WWOX: variants seen among roughly 807,000 people sequenced by gnomAD.
WWOX encodes the protein WW domain-containing oxidoreductase.
Under a neutral mutation model 46.2 loss-of-function variants are expected in WWOX, and 69 were observed. The observed-to-expected ratio is 1.49, with a 90% confidence interval of 1.23 to 1.82. The LOEUF (loss-of-function observed/expected upper bound fraction) is 1.82. Ranked by LOEUF, WWOX falls within the 40% of genes most tolerant of loss-of-function variation. The pLI is 0.00. For synonymous variants in WWOX, 359 were observed against 202.6 expected (o/e 1.77, Z -6.56); for missense variants, 919 against 542.6 (o/e 1.69, Z -6.89).
At chr16:78,219,607 C>T (rs1176765625) in intron 5 of WWOX, among the ~76,000 whole-genome samples, 2 of 152,150 alleles carry the variant, frequency 1.3e-5, no homozygotes, top group Admixed American at 6.5e-5. Context: ...TTTTTTAACT[C>T]GGTGAGTCTC....
At chr16:78,137,427 G>C (rs921307376) in intron 4 of WWOX, among the ~76,000 whole-genome samples, 17 of 152,138 alleles carry the variant, frequency 1.1e-4, no homozygotes, top group Non-Finnish European at 2.9e-5. Context: ...ACAGAGTTGT[G>C]AGAATTCGAC....
At chr16:78,240,314 TA>T (rs141210179) in intron 5 of WWOX, among the ~76,000 whole-genome samples, 14,099 of 148,462 alleles carry the variant, frequency 0.095, 797 homozygotes, top group Middle Eastern at 0.18. Flanking sequence ...CCCCATCTCT[TA>T]AAAAAAAAAT....
intron 8 of WWOX, among the ~76,000 whole-genome samples, chr16:78,826,484 G>A (rs1302908260): frequency 6.6e-6 from 1 of 152,206 alleles, no homozygotes; most frequent in Non-Finnish European, 1.5e-5. Flanking sequence ...GGCTGCTCGT[G>A]ATTGTGGGCT....
chr16:78,639,841 C>G (rs2046660626), intron 8 of WWOX, among the ~76,000 whole-genome samples: 2 of 152,148 alleles, frequency 1.3e-5, no homozygotes, highest in Non-Finnish European at 2.9e-5. Context: ...GTTGGGATCA[C>G]AGGTGTGAGC....
At chr16:78,684,930 T>C (rs1225280216) in intron 8 of WWOX, among the ~76,000 whole-genome samples, 2 of 152,186 alleles carry the variant, frequency 1.3e-5, no homozygotes, top group Non-Finnish European at 2.9e-5. Flanking sequence ...AGTGAACACA[T>C]GTTGTTTTAC....
chr16:78,784,678 G>C (rs149577831), intron 8 of WWOX, among the ~76,000 whole-genome samples: 6 of 152,298 alleles, frequency 3.9e-5, no homozygotes, highest in South Asian at 2.1e-4. Context: ...AGTGTCAGTG[G>C]TTCCCAATGT....
intron 6 of WWOX, among the ~76,000 whole-genome samples, chr16:78,421,141 T>C (rs1341769244): frequency 6.6e-6 from 1 of 152,222 alleles, no homozygotes; most frequent in Non-Finnish European, 1.5e-5. Flanking sequence ...GGAAGCTATA[T>C]TAGTTTTCTA....
intron 8 of WWOX, among the ~76,000 whole-genome samples, chr16:78,762,070 T>G (rs894811590): frequency 1.3e-5 from 2 of 152,202 alleles, no homozygotes; most frequent in African/African-American, 4.8e-5. Context: ...TGTGCTGGCC[T>G]TTTCACTGAA....
intron 5 of WWOX, among the ~76,000 whole-genome samples, chr16:78,185,422 A>G (rs1416078510): frequency 6.6e-6 from 1 of 152,118 alleles, no homozygotes; most frequent in Non-Finnish European, 1.5e-5. Flanking sequence ...TTCCCCAAGA[A>G]TACACCACAG....
intron 5 of WWOX, among the ~76,000 whole-genome samples, chr16:78,206,916 C>G (rs16947272): frequency 0.064 from 9,697 of 152,272 alleles, 364 homozygotes; most frequent in Middle Eastern, 0.092. Context: ...AATGATACCT[C>G]TCCCTTACTG....
intron 8 of WWOX, among the ~76,000 whole-genome samples, chr16:78,486,979 G>T (rs1399439060): frequency 6.6e-6 from 1 of 152,156 alleles, no homozygotes; most frequent in Admixed American, 6.5e-5. Flanking sequence ...TTCCGCTGGG[G>T]TGTGATGAGC....
chr16:78,541,688 G>T (rs895060605), intron 8 of WWOX, among the ~76,000 whole-genome samples: 1 of 151,870 alleles, frequency 6.6e-6, no homozygotes, highest in African/African-American at 2.4e-5. Context: ...TTGAAAAAGT[G>T]ATTTAGCCTT....
chr16:78,873,977 T>C (rs1330445962), intron 8 of WWOX, among the ~76,000 whole-genome samples: 1 of 151,648 alleles, frequency 6.6e-6, no homozygotes, highest in Non-Finnish European at 1.5e-5. Flanking sequence ...AAAGAAAGGT[T>C]CTGGCTGAGC....
intron 8 of WWOX, among the ~76,000 whole-genome samples, chr16:78,787,425 G>A (rs2050484874): frequency 6.6e-6 from 1 of 152,060 alleles, no homozygotes; most frequent in African/African-American, 2.4e-5. Flanking sequence ...CACAATATGT[G>A]GCCTTTTGTG....
intron 5 of WWOX, among the ~76,000 whole-genome samples, chr16:78,296,774 C>T (rs1240912631): frequency 1.3e-5 from 2 of 152,062 alleles, no homozygotes; most frequent in Admixed American, 1.3e-4. Context: ...AATAAAGTAA[C>T]ATATGGCTTT....
intron 8 of WWOX, among the ~76,000 whole-genome samples, chr16:79,062,915 C>G (rs2048380135): frequency 6.6e-6 from 1 of 152,182 alleles, no homozygotes; most frequent in African/African-American, 2.4e-5. Context: ...AAATTTCTGG[C>G]TGTCCACCTG....
At chr16:78,852,346 T>A (rs2052465234) in intron 8 of WWOX, among the ~76,000 whole-genome samples, 1 of 152,202 alleles carries the variant, frequency 6.6e-6, no homozygotes, top group African/African-American at 2.4e-5. Flanking sequence ...AAAATACATT[T>A]GGACTTCTGC....
chr16:78,840,547 C>T (rs1489013454), intron 8 of WWOX, among the ~76,000 whole-genome samples: 3 of 152,156 alleles, frequency 2.0e-5, no homozygotes, highest in Non-Finnish European at 4.4e-5. Context: ...TTTATGTCAG[C>T]ATTAAGCAGT....
intron 8 of WWOX, among the ~76,000 whole-genome samples, chr16:78,703,520 G>T (rs1389322493): frequency 6.6e-6 from 1 of 152,086 alleles, no homozygotes; most frequent in Admixed American, 6.6e-5. Flanking sequence ...GAGGGAGGCT[G>T]AAGCAGGAGG....
Sources: gnomAD v4.1 joint callset for allele counts (sites outside exome capture counted in the v4.1 genomes callset) on GRCh38, gnomAD v4.1.1 for gene constraint, MANE v1.5 for transcripts, NCBI Gene and HGNC (gene_info 2026-07-23, HGNC 2026-07-21) for gene names.